Variants in KIAA0930 observed in about 807,000 individuals in gnomAD.
KIAA0930 encodes the protein KIAA0930, also known as uncharacterized protein KIAA0930.
KIAA0930 carries 24 observed loss-of-function variants against 43.9 expected under a neutral mutation model. That is an observed-to-expected ratio of 0.55 (90% CI 0.40 to 0.77). The LOEUF is 0.77. Among genes scored for constraint, KIAA0930 ranks in the 30% least tolerant of loss-of-function variants. The pLI is 0.00. For synonymous variants in KIAA0930, 259 were observed against 216.4 expected, an observed-to-expected ratio of 1.20 and a Z score of -1.73; for missense variants, 461 against 574.2, an observed-to-expected ratio of 0.80 and a Z score of 2.02.
At chr22:45,227,911 G>A (rs1356665756) in intron 1 of KIAA0930, among the ~76,000 whole-genome samples, 1 of 152,208 alleles carries the variant, frequency 6.6e-6, no homozygotes, top group African/African-American at 2.4e-5. Flanking sequence ...AGCTCCCACT[G>A]TGTGCGGGGG....
At chr22:45,237,237 G>A (rs1032142755) in intron 1 of KIAA0930, among the ~76,000 whole-genome samples, 10 of 152,216 alleles carry the variant, frequency 6.6e-5, no homozygotes, top group Admixed American at 2.6e-4. Context: ...ATCTTGCTCC[G>A]GGCAGCCGCA....
Position 45,205,663 on chromosome 22 carries a change from G to A in KIAA0930, c.381C>T (p.Gly127=), listed in dbSNP as rs376875577. The change falls in exon 4 of 10, where the codon GGC becomes GGT. Residue 127 remains glycine, a synonymous_variant. Coordinates refer to ENST00000336156, the MANE Select transcript of KIAA0930 (RefSeq NM_001009880.2). The stretch of plus-strand genomic sequence containing the variant: ...TCTTCTTATGGATGTGAATGTCCCC[G>A]CCGTCAGCACGTGTGCACACCGCAC... The part of the protein sequence containing the change: ...VTCAVCTRAD[G]GDIHIHKKKS... 42 of 1,613,920 alleles carry A rather than the reference G, an allele frequency of 2.6e-5. No individual in the cohort carries two copies. Among genetic ancestry groups the A allele is most frequent in the Admixed American group, 3.3e-5 (2 of 59,996 alleles).
At position 45,193,276 on chromosome 22, in the gene KIAA0930, C is replaced by T. The variant is rs2083506006; in HGVS notation, c.*3900G>A. 6.6e-6 allele frequency: 1 copy of T among 150,924 alleles called. No homozygotes were observed. The highest frequency in any genetic ancestry group is 1.9e-4 in the East Asian group (1 of 5,190). The allele number at this position is 150,924 out of a possible 1,614,324, so 9.3% of individuals were successfully genotyped here. On this transcript the variant is annotated 3_prime_UTR_variant, in exon 10 of 10. Coordinates refer to ENST00000336156, the MANE Select transcript of KIAA0930 (RefSeq NM_001009880.2). ...AAAATTGAGGAAAACGTCAGTGAAA[C>T]CTGTTAAGTTCGCTAAAAAGTTGGC...
intron 7 of KIAA0930, chr22:45,200,854 A>G: frequency 2.1e-6 from 1 of 470,540 alleles, no homozygotes; most frequent in Non-Finnish European, 4.4e-6. Context: ...GGATACATGA[A>G]GCACAGAGGC....
At chr22:45,201,087 T>C (rs1239850169) in intron 7 of KIAA0930, 40 of 467,422 alleles carry the variant, frequency 8.6e-5, no homozygotes, top group Non-Finnish European at 1.6e-4. Context: ...GTCAGCCTCC[T>C]CGTCACGGCT....
At chr22:45,206,383 CCTCA>C (rs970778215) in intron 2 of KIAA0930, among the ~76,000 whole-genome samples, 7 of 152,164 alleles carry the variant, frequency 4.6e-5, no homozygotes, top group Non-Finnish European at 5.9e-5. Flanking sequence ...CATCCATTCT[CCTCA>C]CTAAGCCTCA....
intron 1 of KIAA0930, among the ~76,000 whole-genome samples, chr22:45,229,357 C>T: frequency 1.3e-5 from 2 of 150,518 alleles, no homozygotes; most frequent in African/African-American, 4.9e-5. Context: ...CCTCTCCACT[C>T]CCCCATCACC....
chr22:45,221,380 T>A (rs1306442613), intron 1 of KIAA0930, among the ~76,000 whole-genome samples: 1 of 152,216 alleles, frequency 6.6e-6, no homozygotes, highest in Non-Finnish European at 1.5e-5. Flanking sequence ...GAAATGGACA[T>A]GGCTATGTTC....
intron 6 of KIAA0930, 132 bp from the exon 7 acceptor site, chr22:45,203,316 T>C (rs2147738801): frequency 1.1e-6 from 1 of 905,148 alleles, no homozygotes; most frequent in Non-Finnish European, 1.6e-6. Flanking sequence ...GCGTCTGAGC[T>C]GGCAGGCGGG....
At chr22:45,210,826 C>CTGCCTGCCCGAGTGTG (rs1555898917) in intron 2 of KIAA0930, among the ~76,000 whole-genome samples, 33 of 151,662 alleles carry the variant, frequency 2.2e-4, no homozygotes, top group Non-Finnish European at 3.0e-4. Context: ...CCTGCACACC[C>CTGCCTGCCCGAGTGTG]GCCACTGAAA....
chr22:45,205,516 A>C, intron 4 of KIAA0930, 114 bp downstream of exon 4: 1 of 1,055,814 alleles, frequency 9.5e-7, no homozygotes, highest in Non-Finnish European at 1.4e-6. Context: ...AGATTTCTGG[A>C]GTCAGACCCC....
Position 45,226,243 on chromosome 22 carries a change from G to A in KIAA0930, c.65-14136C>T, listed in dbSNP as rs952785108. On this transcript the variant is annotated intron_variant, in intron 1 of 9. Coordinates refer to ENST00000336156, the MANE Select transcript of KIAA0930 (RefSeq NM_001009880.2). ...CCTCGAAGTGCTTTCACAATCCCCA[G>A]GCCACATGTGTGACCACCTAACAGC... 1.3e-5 allele frequency: 6 copies of A among 470,980 alleles called. 1 individual carries two copies. The highest frequency in any genetic ancestry group is 4.0e-5 in the African/African-American group (2 of 50,064). The allele number at this position is 470,980 out of a possible 1,614,324, so 29.2% of individuals were successfully genotyped here. A position where few individuals can be genotyped will look rare whatever the true frequency, so the allele number is the denominator to read the frequency against.
At chr22:45,197,280 A>G in intron 9 of KIAA0930, 64 bp from the exon 10 acceptor site, 1 of 1,427,992 alleles carries the variant, frequency 7.0e-7, no homozygotes, top group South Asian at 1.3e-5. Context: ...TGCTATGGTC[A>G]CGGCAGTGCC....
At chr22:45,213,383 A>C (rs2083711524) in intron 1 of KIAA0930, 4 of 1,303,228 alleles carry the variant, frequency 3.1e-6, no homozygotes, top group South Asian at 1.2e-5. Flanking sequence ...AAAGAGAAGG[A>C]GGCTTCATCG....
intron 1 of KIAA0930, chr22:45,226,269 C>G (rs1171824478): frequency 4.2e-6 from 2 of 471,164 alleles, no homozygotes. Flanking sequence ...ACCTAACAGC[C>G]ATTTTACAGT....
At chr22:45,205,770 G>GGGGCCCCCCC in intron 3 of KIAA0930, 23 bp downstream of exon 3, 8 of 1,523,748 alleles carry the variant, frequency 5.3e-6, no homozygotes, top group Non-Finnish European at 7.3e-6. Context: ...CCAATCCGCA[G>GGGGCCCCCCC]CCCCACCCAT....
chr22:45,218,572 C>G (rs917045976), intron 1 of KIAA0930, among the ~76,000 whole-genome samples: 2 of 151,884 alleles, frequency 1.3e-5, no homozygotes, highest in African/African-American at 4.8e-5. Context: ...AGCTTAGTTT[C>G]AAACCTCAGT....
intron 1 of KIAA0930, among the ~76,000 whole-genome samples, chr22:45,237,301 T>C (rs983505764): frequency 1.3e-5 from 2 of 152,244 alleles, no homozygotes; most frequent in Non-Finnish European, 2.9e-5. Context: ...CCTGTGCTCC[T>C]GGCTGTCTCC....
intron 2 of KIAA0930, among the ~76,000 whole-genome samples, 163 bp downstream of exon 2, chr22:45,211,793 G>C (rs2083695882): frequency 1.3e-5 from 2 of 152,158 alleles, no homozygotes; most frequent in African/African-American, 4.8e-5. Flanking sequence ...TTGCACATGA[G>C]ACTGTCTACA....
Sources: gnomAD v4.1 joint callset for allele counts (sites outside exome capture counted in the v4.1 genomes callset) on GRCh38, gnomAD v4.1.1 for gene constraint, MANE v1.5 for transcripts, NCBI Gene and HGNC (gene_info 2026-07-23, HGNC 2026-07-21) for gene names.